The following XXYLT1 variants were observed in gnomAD, a reference collection of about 807,000 sequenced individuals.
XXYLT1 encodes the protein xyloside xylosyltransferase 1.
XXYLT1 carries 20 observed loss-of-function variants against 28.9 expected under a neutral mutation model. That is an observed-to-expected ratio of 0.69 (90% CI 0.49 to 1.00). The LOEUF (loss-of-function observed/expected upper bound fraction) is 1.00, where lower values mean the gene tolerates loss of function less well. Among genes scored for constraint, XXYLT1 ranks in the 50% least tolerant of loss-of-function variants. XXYLT1 has a pLI of 0.00. For missense variants in XXYLT1, 542 were observed against 560.1 expected, an observed-to-expected ratio of 0.97 and a Z score of 0.33; for synonymous variants, 257 against 253.8, an observed-to-expected ratio of 1.01 and a Z score of -0.12.
chr3:195,196,850 T>C (rs1315560188), intron 2 of XXYLT1, among the ~76,000 whole-genome samples: 1 of 151,546 alleles, frequency 6.6e-6, no homozygotes, highest in East Asian at 1.9e-4. Flanking sequence ...AAGTGACAAG[T>C]CATTAATTGT....
chr3:195,187,172 A>C (rs1431793923), intron 2 of XXYLT1, among the ~76,000 whole-genome samples: 1 of 149,694 alleles, frequency 6.7e-6, no homozygotes, highest in Non-Finnish European at 1.5e-5. Flanking sequence ...CGGGAGACGG[A>C]GCTTGCAGTG....
At chr3:195,259,050 C>A (rs1049072396) in intron 1 of XXYLT1, among the ~76,000 whole-genome samples, 2 of 152,228 alleles carry the variant, frequency 1.3e-5, no homozygotes, top group African/African-American at 4.8e-5. Context: ...CCACCGTTGA[C>A]CAAGCACCTG....
chr3:195,161,791 T>C (rs1416580923), intron 2 of XXYLT1, among the ~76,000 whole-genome samples: 1 of 152,072 alleles, frequency 6.6e-6, no homozygotes, highest in Non-Finnish European at 1.5e-5. Flanking sequence ...CTAATTTTTA[T>C]ATTTTTAGTA....
At chr3:195,225,835 T>C (rs543390640) in intron 2 of XXYLT1, among the ~76,000 whole-genome samples, 1 of 152,256 alleles carries the variant, frequency 6.6e-6, no homozygotes, top group Non-Finnish European at 1.5e-5. Flanking sequence ...ATAAGGGGCT[T>C]TTCCCCCTTT....
chr3:195,147,947 G>A (rs919272479), intron 3 of XXYLT1: 1 of 152,210 alleles, frequency 6.6e-6, no homozygotes, highest in African/African-American at 2.4e-5. Flanking sequence ...AAAAGAACTG[G>A]AAGGAGTCGT....
chr3:195,224,797 C>T (rs780529873), intron 2 of XXYLT1, among the ~76,000 whole-genome samples: 1 of 152,198 alleles, frequency 6.6e-6, no homozygotes, highest in Non-Finnish European at 1.5e-5. Context: ...CAAGTTGAAA[C>T]AGCTCACTGC....
intron 3 of XXYLT1, among the ~76,000 whole-genome samples, chr3:195,098,999 G>A (rs1167589155): frequency 6.6e-6 from 1 of 152,182 alleles, no homozygotes; most frequent in Non-Finnish European, 1.5e-5. Flanking sequence ...ATTGCTTCAA[G>A]CACAGACCAT....
chr3:195,160,750 C>T (rs913415910), intron 2 of XXYLT1, among the ~76,000 whole-genome samples: 4 of 152,214 alleles, frequency 2.6e-5, no homozygotes, highest in African/African-American at 9.6e-5. Context: ...ACCAGCCAGA[C>T]CAGGCTGGCT....
At chr3:195,205,524 G>A (rs762760398) in intron 2 of XXYLT1, among the ~76,000 whole-genome samples, 1 of 152,186 alleles carries the variant, frequency 6.6e-6, no homozygotes, top group African/African-American at 2.4e-5. Context: ...AAGGCAGCAC[G>A]AAGGATCTTT....
chr3:195,084,712 A>G (rs1050675963), intron 3 of XXYLT1, among the ~76,000 whole-genome samples: 1 of 152,148 alleles, frequency 6.6e-6, no homozygotes, highest in Non-Finnish European at 1.5e-5. Context: ...TCCCACCACT[A>G]CACACGATCA....
chr3:195,269,727 C>A (rs999647243), intron 1 of XXYLT1, among the ~76,000 whole-genome samples: 1 of 152,230 alleles, frequency 6.6e-6, no homozygotes, highest in Non-Finnish European at 1.5e-5. Context: ...ACCTACTACT[C>A]CTTAAAATCT....
At chr3:195,188,865 G>C (rs923740264) in intron 2 of XXYLT1, among the ~76,000 whole-genome samples, 3 of 152,226 alleles carry the variant, frequency 2.0e-5, no homozygotes, top group Non-Finnish European at 2.9e-5. Context: ...CAACATGACA[G>C]AGATGCAGAA....
At position 195,096,981 on chromosome 3, in the gene XXYLT1, A is replaced by G. The variant is rs116274007; in HGVS notation, c.786-26870T>C. On this transcript the variant is annotated intron_variant, in intron 3 of 3. Transcript: ENST00000310380. ...AAAAACAACAGGGGTGAAAATGGTC[A>G]GGCTGCGCTGAGCGCTGGGCAAAGG... is the stretch of plus-strand genomic sequence containing the variant. Among the ~76,000 whole-genome samples the G allele has an allele frequency of 8.0e-3, 1,215 of 152,364 alleles. 15 individuals carry two copies. The highest frequency in any genetic ancestry group is 0.028 in the African/African-American group (1,158 of 41,584).
At chr3:195,089,905 C>T (rs543108711) in intron 3 of XXYLT1, among the ~76,000 whole-genome samples, 262 of 152,192 alleles carry the variant, frequency 1.7e-3, no homozygotes, top group Non-Finnish European at 2.9e-3. Context: ...GACTTTAAAG[C>T]AACAAAGATA....
chr3:195,107,616 AGGAGGGGG>A (rs1560098433), intron 3 of XXYLT1, among the ~76,000 whole-genome samples: 2,268 of 19,494 alleles, frequency 0.12, 536 homozygotes, highest in African/African-American at 0.38. Context: ...GAAGGGGAGG[AGGAGGGGG>A]AGGAGGAGGG....
chr3:195,157,138 T>A lies in XXYLT1; in HGVS notation c.653-557A>T, dbSNP rs897267012. Among the ~76,000 whole-genome samples the A allele has an allele frequency of 2.8e-4, 42 of 148,368 alleles. 2 individuals are homozygous for A. In the Admixed American group the frequency reaches 2.9e-3, roughly 10 times the overall value. ...GGTGCCTGTAATTCCAGCTAGTCAG[T>A]AGGCTGAGGCAGGAGAATTGCTTGA... On this transcript the variant is annotated intron_variant, in intron 2 of 3. Transcript: ENST00000310380.
chr3:195,184,624 G>A (rs1037760793), intron 2 of XXYLT1: 3 of 985,130 alleles, frequency 3.0e-6, no homozygotes, highest in African/African-American at 1.7e-5. Flanking sequence ...CCCTGATTAG[G>A]TCTACTTACC....
At position 195,156,527 on chromosome 3, in the gene XXYLT1, C is replaced by G; in HGVS notation, c.707G>C (p.Arg236Pro). ...ACTGTCAAATTCCTCAAACAACTCC[C>G]GGATGTTGGTCTTAAACTTCAGGTC... ...DLDLKFKTNI[R>P]ELFEEFDSFL... The change falls in exon 3 of 4, where the codon CGG becomes CCG. Residue 236 changes from arginine to proline, a missense_variant. Physicochemically the swap from Arg to Pro is moderately radical, Grantham distance 103. Coordinates refer to ENST00000310380, the MANE Select transcript of XXYLT1 (RefSeq NM_152531.5). 1 of 1,614,204 alleles carries G rather than the reference C, an allele frequency of 6.2e-7. No homozygotes were observed. The highest frequency in any genetic ancestry group is 8.5e-7 in the Non-Finnish European group (1 of 1,180,036).
At chr3:195,266,493 AAAAAAAAAATAAAAGAAAAAG>A (rs1725854224) in intron 1 of XXYLT1, among the ~76,000 whole-genome samples, 1 of 149,816 alleles carries the variant, frequency 6.7e-6, no homozygotes. Flanking sequence ...ACTCTATCAC[AAAAAAAAAATAAAAGAAAAAG>A]ACAAAAAAAA....
Sources: allele counts gnomAD v4.1 joint callset (sites outside exome capture counted in the v4.1 genomes callset), GRCh38; gene constraint gnomAD v4.1.1; transcripts MANE v1.5; gene names NCBI Gene and HGNC (gene_info 2026-07-23, HGNC 2026-07-21).